C8orf34: variants seen among roughly 807,000 people sequenced by gnomAD.
C8orf34 encodes the protein chromosome 8 open reading frame 34, also known as uncharacterized protein C8orf34.
C8orf34 carries 65 observed loss-of-function variants against 68.3 expected under a neutral mutation model. The observed-to-expected ratio is 0.95, with a 90% confidence interval of 0.78 to 1.17. The LOEUF is 1.17. Ranked by LOEUF, C8orf34 falls within the 50% of genes most tolerant of loss-of-function variation. C8orf34 has a pLI of 0.00. For synonymous variants in C8orf34, 244 were observed against 241.2 expected (o/e 1.01, Z -0.11); for missense variants, 664 against 655.4 (o/e 1.01, Z -0.14).
intron 10 of C8orf34, among the ~76,000 whole-genome samples, chr8:68,731,405 A>T (rs1049361976): frequency 1.3e-5 from 2 of 151,768 alleles, no homozygotes; most frequent in Non-Finnish European, 2.9e-5. Flanking sequence ...TATTATGTTG[A>T]CCTAATATGT....
In C8orf34 at chr8:68,636,507, C is replaced by G. The variant is rs188065205; in HGVS notation, c.1106-3869C>G. Among the ~76,000 whole-genome samples the G allele has an allele frequency of 9.9e-5, 15 of 152,112 alleles. No homozygotes were observed. In the East Asian group the frequency reaches 2.9e-3, roughly 29 times the overall value. On this transcript the variant is annotated intron_variant, in intron 7 of 13. Coordinates refer to ENST00000518698, the MANE Select transcript of C8orf34 (RefSeq NM_052958.4). The stretch of plus-strand genomic sequence containing the variant: ...GGCTGAGGCATGAGAATTGCTTGAA[C>G]CTGGGAGGAGGAGGTTGCAGTGAGC...
upstream of C8orf34, chr8:68,330,770 G>A (rs1207556506): frequency 4.7e-6 from 2 of 426,358 alleles, no homozygotes; most frequent in Admixed American, 4.5e-5. Context: ...GGGGAAAGGA[G>A]GTACACACAG....
intron 1 of C8orf34, among the ~76,000 whole-genome samples, chr8:68,417,909 A>G (rs1809749967): frequency 6.6e-6 from 1 of 151,720 alleles, no homozygotes. Context: ...CAAGATATTG[A>G]TTCTTCCTAC....
At chr8:68,472,353 T>C (rs1021105025) in intron 4 of C8orf34, among the ~76,000 whole-genome samples, 3 of 152,158 alleles carry the variant, frequency 2.0e-5, no homozygotes, top group African/African-American at 4.8e-5. Flanking sequence ...CTGCTTCTTC[T>C]TTGAGGCCAT....
intron 7 of C8orf34, among the ~76,000 whole-genome samples, chr8:68,570,027 C>T (rs764936694): frequency 6.0e-4 from 92 of 152,136 alleles, no homozygotes; most frequent in Non-Finnish European, 1.1e-3. Flanking sequence ...TTGCACACTC[C>T]CTCTCTTTTT....
At chr8:68,396,266 C>A (rs1255673228) in intron 1 of C8orf34, among the ~76,000 whole-genome samples, 1 of 151,820 alleles carries the variant, frequency 6.6e-6, no homozygotes, top group Non-Finnish European at 1.5e-5. Flanking sequence ...TTGAACTTAC[C>A]AGCATGTTTT....
intron 10 of C8orf34, among the ~76,000 whole-genome samples, chr8:68,772,576 A>G (rs1238067633): frequency 6.6e-6 from 1 of 152,176 alleles, no homozygotes; most frequent in East Asian, 1.9e-4. Flanking sequence ...TAAATTTTCT[A>G]ATTTACATTT....
chr8:68,690,199 T>C (rs1820645092), intron 8 of C8orf34, among the ~76,000 whole-genome samples: 1 of 152,064 alleles, frequency 6.6e-6, no homozygotes, highest in African/African-American at 2.4e-5. Context: ...CCTGTTTTTA[T>C]AGTTTTTTTT....
intron 7 of C8orf34, among the ~76,000 whole-genome samples, chr8:68,550,752 A>T (rs1236745697): frequency 1.3e-5 from 2 of 151,394 alleles, no homozygotes; most frequent in Admixed American, 6.6e-5. Flanking sequence ...ATGGTACAGG[A>T]ATCTAAGTTG....
intron 10 of C8orf34, among the ~76,000 whole-genome samples, chr8:68,764,942 A>C (rs1823128476): frequency 6.6e-6 from 1 of 152,224 alleles, no homozygotes; most frequent in Admixed American, 6.5e-5. Context: ...TCTTCTAATG[A>C]AAGTAACACA....
At chr8:68,526,857 C>A (rs1047885796) in intron 6 of C8orf34, among the ~76,000 whole-genome samples, 2 of 152,100 alleles carry the variant, frequency 1.3e-5, no homozygotes, top group African/African-American at 4.8e-5. Flanking sequence ...TGAAACTAAA[C>A]GGAGCAAGCT....
chr8:68,418,910 C>A (rs1351946263), intron 1 of C8orf34, among the ~76,000 whole-genome samples: 1 of 150,948 alleles, frequency 6.6e-6, no homozygotes, highest in African/African-American at 2.4e-5. Flanking sequence ...CCATTCAGGA[C>A]ATAGGCATGG....
chr8:68,759,995 C>T (rs371059976), intron 10 of C8orf34, among the ~76,000 whole-genome samples: 2 of 152,102 alleles, frequency 1.3e-5, no homozygotes, highest in East Asian at 1.9e-4. Flanking sequence ...TGTGAGAGTA[C>T]GGAAGTGCTG....
At chr8:68,532,173 C>T (rs1815275275) in intron 6 of C8orf34, among the ~76,000 whole-genome samples, 2 of 152,050 alleles carry the variant, frequency 1.3e-5, no homozygotes, top group Admixed American at 1.3e-4. Context: ...CAGGAAGGAA[C>T]ACAGAAAAAC....
chr8:68,446,699 G>A, intron 3 of C8orf34: 1 of 481,066 alleles, frequency 2.1e-6, no homozygotes, highest in Non-Finnish European at 3.6e-6. Context: ...AATATTCCTT[G>A]AAGAATATAA....
At chr8:68,796,195 C>T (rs1007299137) in intron 12 of C8orf34, among the ~76,000 whole-genome samples, 1 of 152,194 alleles carries the variant, frequency 6.6e-6, no homozygotes, top group African/African-American at 2.4e-5. Context: ...TATTGAGATT[C>T]AGCCGTTTTT....
At chr8:68,590,398 C>T (rs1177353402) in intron 7 of C8orf34, among the ~76,000 whole-genome samples, 1 of 151,902 alleles carries the variant, frequency 6.6e-6, no homozygotes, top group Admixed American at 6.6e-5. Context: ...CAAATCTGAC[C>T]TTTGAAGCAG....
At chr8:68,793,495 C>A (rs1250840838) in intron 12 of C8orf34, among the ~76,000 whole-genome samples, 4 of 152,118 alleles carry the variant, frequency 2.6e-5, no homozygotes. Flanking sequence ...TAAAAAGGAA[C>A]AAGATCATAT....
At chr8:68,733,076 G>A (rs1822028992) in intron 10 of C8orf34, among the ~76,000 whole-genome samples, 1 of 152,020 alleles carries the variant, frequency 6.6e-6, no homozygotes, top group Non-Finnish European at 1.5e-5. Context: ...CAAAAAAAAA[G>A]AAACAGTTTG....
Sources: allele counts gnomAD v4.1 joint callset (sites outside exome capture counted in the v4.1 genomes callset), GRCh38; gene constraint gnomAD v4.1.1; transcripts MANE v1.5; gene names NCBI Gene and HGNC (gene_info 2026-07-23, HGNC 2026-07-21).